SUMF1: variants seen among roughly 807,000 people sequenced by gnomAD.
SUMF1 encodes formylglycine-generating enzyme.
In SUMF1, 48 loss-of-function variants were observed where a neutral mutation model predicts 47.6. That is an observed-to-expected ratio of 1.01 (90% confidence interval 0.80 to 1.28). The LOEUF (loss-of-function observed/expected upper bound fraction) is 1.28. Among genes scored for constraint, SUMF1 ranks in the 50% most tolerant of loss-of-function variants. The pLI is 0.00. For synonymous variants in SUMF1, 230 were observed against 192.1 expected (o/e 1.20, Z -1.63); for missense variants, 571 against 485.4 (o/e 1.18, Z -1.66).
chr3:4,238,020 A>T (rs1334090260), intron 8 of SUMF1, among the ~76,000 whole-genome samples: 1 of 151,814 alleles, frequency 6.6e-6, no homozygotes, highest in East Asian at 1.9e-4. Flanking sequence ...TATGAGTGAG[A>T]ACATGTGGTG....
intron 6 of SUMF1, among the ~76,000 whole-genome samples, chr3:4,411,460 A>G (rs2125012113): frequency 6.6e-6 from 1 of 152,300 alleles, no homozygotes; most frequent in East Asian, 1.9e-4. Context: ...CTGCCAACTC[A>G]TCATCTTACC....
At chr3:4,284,350 C>G (rs1384259731) in intron 8 of SUMF1, among the ~76,000 whole-genome samples, 1 of 150,926 alleles carries the variant, frequency 6.6e-6, no homozygotes, top group African/African-American at 2.4e-5. Context: ...GAGGTTGAGG[C>G]TGCAGTGAGC....
chr3:4,352,464 G>A (rs1699523730), intron 8 of SUMF1, among the ~76,000 whole-genome samples: 1 of 152,126 alleles, frequency 6.6e-6, no homozygotes, highest in Admixed American at 6.5e-5. Flanking sequence ...AGCTGTTTCA[G>A]AAAGTAACAC....
chr3:4,342,907 G>A (rs1699300183), intron 8 of SUMF1, among the ~76,000 whole-genome samples: 1 of 152,188 alleles, frequency 6.6e-6, no homozygotes, highest in Non-Finnish European at 1.5e-5. Flanking sequence ...CTACAGGAGA[G>A]CTCAACATTA....
At chr3:4,202,226 C>T (rs1695555576) in intron 8 of SUMF1, among the ~76,000 whole-genome samples, 1 of 151,952 alleles carries the variant, frequency 6.6e-6, no homozygotes, top group Admixed American at 6.6e-5. Flanking sequence ...TTCATTGTTT[C>T]ATAGTTTGAA....
At chr3:4,302,598 T>C (rs1697997495) in intron 8 of SUMF1, among the ~76,000 whole-genome samples, 1 of 152,174 alleles carries the variant, frequency 6.6e-6, no homozygotes, top group African/African-American at 2.4e-5. Flanking sequence ...TGGACCCCCC[T>C]TCCCATCATG....
chr3:4,282,464 T>C (rs189080998), intron 8 of SUMF1, among the ~76,000 whole-genome samples: 1 of 152,350 alleles, frequency 6.6e-6, no homozygotes, highest in East Asian at 1.9e-4. Flanking sequence ...ACATACCTTC[T>C]ACAATTTCTG....
intron 8 of SUMF1, among the ~76,000 whole-genome samples, chr3:4,345,891 C>T (rs1442361669): frequency 6.6e-6 from 1 of 152,022 alleles, no homozygotes; most frequent in Non-Finnish European, 1.5e-5. Context: ...CAATCCTAGG[C>T]TCTGACAAAA....
rs138886318 is a variant in SUMF1 at position 4,264,280 on chromosome 3, A to C, written c.1014+112050T>G. Among the ~76,000 whole-genome samples, 26 of 152,298 alleles carry C rather than the reference A, an allele frequency of 1.7e-4. No individual in the cohort carries two copies. The East Asian group carries it at 4.8e-3, about 28-fold the overall frequency. On this transcript the variant is annotated intron_variant and NMD_transcript_variant, in intron 8 of 12. Coordinates refer to the SUMF1 transcript ENST00000448413. ...CAGGCAGTTAGATATAGCCGTGCAC[A>C]GTCCTCTGGGCCAGAGCCTGGAGCT...
chr3:4,079,504 G>T (rs1285990209), intron 8 of SUMF1, among the ~76,000 whole-genome samples: 1 of 151,752 alleles, frequency 6.6e-6, no homozygotes, highest in African/African-American at 2.4e-5. Flanking sequence ...TTAGGAATAT[G>T]GGCTCTGGGG....
At chr3:4,445,495 AC>A (rs1426123326) in intron 3 of SUMF1, among the ~76,000 whole-genome samples, 2 of 151,918 alleles carry the variant, frequency 1.3e-5, no homozygotes, top group Non-Finnish European at 2.9e-5. Context: ...ATGCTACCAT[AC>A]CTGGCTAATT....
intron 8 of SUMF1, among the ~76,000 whole-genome samples, chr3:4,312,526 T>C (rs1448024463): frequency 6.6e-6 from 1 of 152,064 alleles, no homozygotes; most frequent in African/African-American, 2.4e-5. Flanking sequence ...TCCTTATACA[T>C]ACCTAAAATA....
intron 8 of SUMF1, among the ~76,000 whole-genome samples, chr3:4,110,899 C>A (rs183150294): frequency 6.6e-6 from 1 of 150,466 alleles, no homozygotes; most frequent in South Asian, 2.1e-4. Flanking sequence ...TGTTAAATGA[C>A]GAGTTGATGG....
At chr3:4,306,856 T>C (rs1017281969) in intron 8 of SUMF1, among the ~76,000 whole-genome samples, 1 of 152,228 alleles carries the variant, frequency 6.6e-6, no homozygotes, top group Non-Finnish European at 1.5e-5. Flanking sequence ...ATTCAAATGT[T>C]CATATTGGAA....
chr3:4,167,185 C>T (rs1009322132), intron 8 of SUMF1, among the ~76,000 whole-genome samples: 5 of 152,106 alleles, frequency 3.3e-5, no homozygotes, highest in Non-Finnish European at 7.4e-5. Context: ...GTGGCACAGA[C>T]CCAAAGAGTG....
intron 8 of SUMF1, chr3:4,313,572 G>A (rs147803907): frequency 6.2e-7 from 1 of 1,614,030 alleles, no homozygotes; most frequent in African/African-American, 1.3e-5. Context: ...ACAAAGAAAG[G>A]CTAGATCATG....
intron 8 of SUMF1, among the ~76,000 whole-genome samples, chr3:4,192,511 G>T (rs1695340538): frequency 6.6e-6 from 1 of 151,700 alleles, no homozygotes; most frequent in South Asian, 2.1e-4. Context: ...ATTTCAAGAA[G>T]GATTTGAGGC....
chr3:4,255,713 GAA>G (rs1696935422), intron 8 of SUMF1, among the ~76,000 whole-genome samples: 2 of 137,120 alleles, frequency 1.5e-5, no homozygotes, highest in Admixed American at 1.5e-4. Context: ...CAACGAGACA[GAA>G]AGTCAACAAG....
chr3:4,208,888 G>A (rs910992170), intron 8 of SUMF1, among the ~76,000 whole-genome samples: 1 of 152,082 alleles, frequency 6.6e-6, no homozygotes, highest in African/African-American at 2.4e-5. Context: ...AAAGAGATCT[G>A]TTGCTAGACT....
Sources: gnomAD v4.1 joint callset for allele counts (sites outside exome capture counted in the v4.1 genomes callset) on GRCh38, gnomAD v4.1.1 for gene constraint, MANE v1.5 for transcripts, NCBI Gene and HGNC (gene_info 2026-07-23, HGNC 2026-07-21) for gene names.